Variants in NKAIN2 observed in about 807,000 individuals in gnomAD.
The protein encoded by NKAIN2 is sodium/potassium-transporting ATPase subunit beta-1-interacting protein 2.
A neutral mutation model predicts 32.6 loss-of-function variants in NKAIN2; 14 were observed. The ratio of observed to expected loss-of-function variants is 0.43; its 90% CI spans 0.28 to 0.67. NKAIN2 has a LOEUF of 0.67. Ranked by LOEUF, NKAIN2 falls within the 30% of genes least tolerant of loss-of-function variation. The pLI, the probability that NKAIN2 is intolerant of heterozygous loss-of-function variation, is 0.17. For missense variants in NKAIN2, 198 were observed against 258.3 expected (o/e 0.77, Z 1.60); for synonymous variants, 80 against 87.2 (o/e 0.92, Z 0.46).
At chr6:124,028,148 G>A (rs1012333837) in intron 1 of NKAIN2, among the ~76,000 whole-genome samples, 2 of 152,030 alleles carry the variant, frequency 1.3e-5, no homozygotes, top group African/African-American at 4.8e-5. Context: ...ACATAATTTA[G>A]AATGTTCTGT....
intron 2 of NKAIN2, among the ~76,000 whole-genome samples, chr6:124,341,111 T>C (rs1323820376): frequency 6.6e-6 from 1 of 152,162 alleles, no homozygotes; most frequent in Non-Finnish European, 1.5e-5. Context: ...AAGCAAAATA[T>C]TTTCAGGCAT....
intron 1 of NKAIN2, among the ~76,000 whole-genome samples, chr6:124,253,048 CTGGAT>C (rs1265075301): frequency 6.6e-6 from 1 of 152,054 alleles, no homozygotes; most frequent in Admixed American, 6.6e-5. Context: ...CAAGTGGTAC[CTGGAT>C]TGGTTTCACA....
At chr6:124,034,353 T>G (rs1000128252) in intron 1 of NKAIN2, among the ~76,000 whole-genome samples, 6 of 152,092 alleles carry the variant, frequency 3.9e-5, no homozygotes, top group African/African-American at 1.4e-4. Context: ...CTTCCACTTA[T>G]AAGTGAGAAC....
rs548493742 is a variant in NKAIN2 at position 124,693,850 on chromosome 6, A to G, written c.474+35464A>G. Among the ~76,000 whole-genome samples, 11 of 152,312 alleles carry G rather than the reference A, an allele frequency of 7.2e-5. No homozygotes were observed. In the East Asian group the frequency reaches 2.1e-3, roughly 29 times the overall value. On this transcript the variant is annotated intron_variant, in intron 4 of 6. Coordinates refer to ENST00000368417, the MANE Select transcript of NKAIN2 (RefSeq NM_001040214.3). ...TTAGACCCTTCCTGTCTTAAGACCC[A>G]TAGAGAAAATGCACCTTATGAATCC...
At chr6:124,780,607 C>T (rs568100450) in intron 4 of NKAIN2, among the ~76,000 whole-genome samples, 4 of 152,276 alleles carry the variant, frequency 2.6e-5, no homozygotes, top group African/African-American at 9.6e-5. Context: ...AAAGCATAGG[C>T]TTGAGCCAAT....
chr6:123,844,798 A>G lies in NKAIN2; in HGVS notation c.54+40544A>G, dbSNP rs150501494. Among the ~76,000 whole-genome samples, 511 of 152,324 alleles carry G rather than the reference A, an allele frequency of 3.4e-3. 1 individual carries two copies. Among genetic ancestry groups the G allele is most frequent in the Non-Finnish European group, 5.8e-3 (393 of 68,022 alleles). On this transcript the variant is annotated intron_variant, in intron 1 of 6. Transcript: ENST00000368417. ...TCCTATTTTATGTTCCTTCTACATCACCATATGGCAACCATATTTATATGG... is the reference window on the plus strand; with the variant it reads ...TCCTATTTTATGTTCCTTCTACATCGCCATATGGCAACCATATTTATATGG...
chr6:124,369,471 C>A (rs1043546863), intron 3 of NKAIN2, among the ~76,000 whole-genome samples: 3 of 152,088 alleles, frequency 2.0e-5, no homozygotes, highest in Non-Finnish European at 4.4e-5. Flanking sequence ...TGCATGCAAC[C>A]CAGGATGGCT....
intron 2 of NKAIN2, among the ~76,000 whole-genome samples, chr6:124,323,486 G>T (rs1052078033): frequency 6.6e-6 from 1 of 152,172 alleles, no homozygotes; most frequent in African/African-American, 2.4e-5. Flanking sequence ...ATACAGTTTA[G>T]GTCAAGGCTC....
chr6:124,208,538 A>C (rs1486772485), intron 1 of NKAIN2, among the ~76,000 whole-genome samples: 2 of 151,672 alleles, frequency 1.3e-5, no homozygotes, highest in Non-Finnish European at 2.9e-5. Context: ...AAAAGTTAAA[A>C]ATTTAAGCAA....
chr6:124,365,463 A>C (rs560303749), intron 3 of NKAIN2, among the ~76,000 whole-genome samples: 3 of 152,060 alleles, frequency 2.0e-5, no homozygotes, highest in South Asian at 4.1e-4. Context: ...TAATAATGAT[A>C]AAAAGGTAAA....
intron 3 of NKAIN2, among the ~76,000 whole-genome samples, chr6:124,638,929 T>C (rs886127906): frequency 5.9e-4 from 68 of 115,062 alleles, no homozygotes; most frequent in Non-Finnish European, 1.1e-3. Flanking sequence ...AGAATCTGAA[T>C]AGAAACTTTT....
Position 123,936,130 on chromosome 6 carries a change from G to A in NKAIN2, c.54+131876G>A, listed in dbSNP as rs890539989. On this transcript the variant is annotated intron_variant, in intron 1 of 6. Transcript: ENST00000368417. ...TTAATTCTGAAAAGCTCAATACAGT[G>A]TCTCTTCATTTTGGCCTTGAAGATA... Among the ~76,000 whole-genome samples, 79 of 152,124 alleles carry A rather than the reference G, an allele frequency of 5.2e-4. 1 individual carries two copies. Among genetic ancestry groups the A allele is most frequent in the Non-Finnish European group, 7.1e-4 (48 of 68,010 alleles).
At chr6:124,771,793 C>A (rs1778771735) in intron 4 of NKAIN2, among the ~76,000 whole-genome samples, 1 of 152,028 alleles carries the variant, frequency 6.6e-6, no homozygotes, top group Non-Finnish European at 1.5e-5. Flanking sequence ...AAACACCCAG[C>A]AAAAACTGAG....
rs867811734 is a variant in NKAIN2, at chr6:124,384,581, C to T, written c.273+29234C>T. ...GCCTAATACTTATGGCTTGTATTTG[C>T]TTGTGATACACAATTGCTTACAATA... On this transcript the variant is annotated intron_variant, in intron 3 of 6. Coordinates refer to ENST00000368417, the MANE Select transcript of NKAIN2 (RefSeq NM_001040214.3). 6.0e-4 allele frequency among the ~76,000 whole-genome samples: 91 copies of T among 151,638 alleles called. 2 individuals are homozygous for T. In the Middle Eastern group the frequency reaches 0.014, roughly 23 times the overall value.
chr6:124,752,726 C>T (rs897701765), intron 4 of NKAIN2, among the ~76,000 whole-genome samples: 5 of 151,906 alleles, frequency 3.3e-5, no homozygotes, highest in Non-Finnish European at 4.4e-5. Context: ...GCTCATTATA[C>T]AAAGATGGTT....
chr6:124,180,122 T>C (rs1789365092), intron 1 of NKAIN2, among the ~76,000 whole-genome samples: 3 of 152,098 alleles, frequency 2.0e-5, no homozygotes. Context: ...TGTGTGTGTG[T>C]GTGTGTATGT....
rs115739162 is a variant in NKAIN2 at position 124,679,544 on chromosome 6, C to G, written c.474+21158C>G. On this transcript the variant is annotated intron_variant, in intron 4 of 6. Transcript: ENST00000368417. ...ATCGATTTTTCTGGCTTTGATGCAGCTAGTTTTGCAATCACCTGGGGTTTA... is the reference window on the plus strand; with the variant it reads ...ATCGATTTTTCTGGCTTTGATGCAGGTAGTTTTGCAATCACCTGGGGTTTA... Among the ~76,000 whole-genome samples, 985 of 152,188 alleles carry G rather than the reference C, an allele frequency of 6.5e-3. 7 individuals carry two copies. Among genetic ancestry groups the G allele is most frequent in the African/African-American group, 0.023 (945 of 41,552 alleles).
At chr6:123,939,450 T>TA (rs1454304827) in intron 1 of NKAIN2, among the ~76,000 whole-genome samples, 1 of 151,944 alleles carries the variant, frequency 6.6e-6, no homozygotes, top group Non-Finnish European at 1.5e-5. Flanking sequence ...TAGCAATACT[T>TA]ATGGTAGTTT....
At chr6:124,575,179 G>C (rs12111530) in intron 3 of NKAIN2, among the ~76,000 whole-genome samples, 27,879 of 152,086 alleles carry the variant, frequency 0.18, 3,433 homozygotes, top group African/African-American at 0.35. Flanking sequence ...GGAGATGGTG[G>C]CCCTTAATTT....
Sources: gnomAD v4.1 joint callset for allele counts (sites outside exome capture counted in the v4.1 genomes callset) on GRCh38, gnomAD v4.1.1 for gene constraint, MANE v1.5 for transcripts, NCBI Gene and HGNC (gene_info 2026-07-23, HGNC 2026-07-21) for gene names.